The following KIAA1671 variants were observed in gnomAD, a reference collection of about 807,000 sequenced individuals.
KIAA1671 encodes uncharacterized protein KIAA1671.
Under a neutral mutation model 131.2 loss-of-function variants are expected in KIAA1671, and 52 were observed. That is an observed-to-expected ratio of 0.40 (90% CI 0.32 to 0.50). KIAA1671 has a LOEUF of 0.50. Ranked by LOEUF, KIAA1671 falls within the 20% of genes least tolerant of loss-of-function variation. KIAA1671 has a pLI of 0.73. For synonymous variants in KIAA1671, 1,003 were observed against 961.6 expected, an observed-to-expected ratio of 1.04 and a Z score of -0.80; for missense variants, 2,360 against 2,364.2, an observed-to-expected ratio of 1.00 and a Z score of 0.04.
intron 6 of KIAA1671, chr22:25,059,642 T>G (rs1569219185): frequency 6.6e-6 from 1 of 152,352 alleles, no homozygotes; most frequent in South Asian, 2.1e-4. Context: ...CTAGAAAGAC[T>G]CATCTTGCCC....
intron 1 of KIAA1671, among the ~76,000 whole-genome samples, chr22:24,957,323 A>C (rs1260154873): frequency 6.6e-6 from 1 of 152,218 alleles, no homozygotes; most frequent in East Asian, 1.9e-4. Context: ...GGAGAACTGC[A>C]TGCCAACTGA....
chr22:25,168,718 G>A (rs771932106), intron 6 of KIAA1671, among the ~76,000 whole-genome samples: 18 of 152,050 alleles, frequency 1.2e-4, no homozygotes, highest in Non-Finnish European at 2.5e-4. Context: ...GTTTAGGGAG[G>A]AGATATCACC....
At chr22:25,170,529 G>A (rs1933810795) in intron 6 of KIAA1671, among the ~76,000 whole-genome samples, 1 of 152,250 alleles carries the variant, frequency 6.6e-6, no homozygotes, top group Non-Finnish European at 1.5e-5. Context: ...GGCCATTGAG[G>A]TGGGGGCCAG....
intron 1 of KIAA1671, among the ~76,000 whole-genome samples, chr22:24,988,573 A>G (rs8142007): frequency 0.03 from 4,541 of 151,262 alleles, 89 homozygotes; most frequent in Middle Eastern, 0.052. Context: ...CATCTCTACT[A>G]AAAAATACAA....
chr22:25,094,874 C>G (rs1930322118), intron 6 of KIAA1671, among the ~76,000 whole-genome samples: 1 of 152,136 alleles, frequency 6.6e-6, no homozygotes, highest in African/African-American at 2.4e-5. Flanking sequence ...TCTCTCCCTC[C>G]TCCCTCCCTC....
intron 1 of KIAA1671, among the ~76,000 whole-genome samples, chr22:24,961,724 TGAGTTG>T (rs1275366636): frequency 6.6e-6 from 1 of 152,234 alleles, no homozygotes; most frequent in East Asian, 1.9e-4. Flanking sequence ...CTGACATCAA[TGAGTTG>T]AAGTCTACTC....
At chr22:25,030,543 A>C (rs2145790715) in intron 3 of KIAA1671, among the ~76,000 whole-genome samples, 1 of 152,170 alleles carries the variant, frequency 6.6e-6, no homozygotes, top group Admixed American at 6.5e-5. Context: ...TCAAAAAAAA[A>C]ACACCAAAAA....
At chr22:25,050,025 T>C (rs1013989464) in intron 6 of KIAA1671, 5 of 152,310 alleles carry the variant, frequency 3.3e-5, no homozygotes, top group African/African-American at 1.2e-4. Context: ...ATGAGAGAAT[T>C]CATGAAGTGC....
At position 25,040,989 on chromosome 22, in the gene KIAA1671, G is replaced by A; in HGVS notation, c.3859G>A (p.Ala1287Thr). Residue 1287 changes from alanine to threonine, a missense_variant, in exon 5 of 13, where the codon GCC (alanine) becomes ACC (threonine). By Grantham distance (58) the Ala-to-Thr change is moderately conservative. Transcript: ENST00000358431. ...GKQLAETLET[A>T]MGTKSSPPFW... ...GCAGCTGGCAGAGACCTTGGAGACA[G>A]CCATGGGCACCAAATCTAGCCCTCC... is the stretch of plus-strand genomic sequence containing the variant. 6.8e-7 allele frequency: 1 copy of A among 1,476,624 alleles called. No individual in the cohort carries two copies. Among genetic ancestry groups the A allele is most frequent in the Non-Finnish European group, 9.0e-7 (1 of 1,113,354 alleles). 91.5% of individuals were successfully genotyped at this position (1,476,624 alleles called of 1,614,324 possible). A position where few individuals can be genotyped will look rare whatever the true frequency, so the allele number is the denominator to read the frequency against.
intron 6 of KIAA1671, among the ~76,000 whole-genome samples, chr22:25,135,257 C>T (rs1041142719): frequency 2.2e-4 from 33 of 152,344 alleles, no homozygotes; most frequent in Non-Finnish European, 3.8e-4. Flanking sequence ...GCAATCTCAG[C>T]TCACTGCAAG....
At chr22:24,974,389 C>T (rs950972579) in intron 1 of KIAA1671, among the ~76,000 whole-genome samples, 18 of 152,056 alleles carry the variant, frequency 1.2e-4, no homozygotes, top group African/African-American at 4.3e-4. Context: ...CATGGTGACA[C>T]CATGAGGCAG....
chr22:25,096,866 G>A (rs556997510), intron 6 of KIAA1671, among the ~76,000 whole-genome samples: 2 of 152,162 alleles, frequency 1.3e-5, no homozygotes, highest in African/African-American at 2.4e-5. Context: ...GAACGGAGCC[G>A]TGCACTCTGC....
chr22:25,170,764 C>T (rs756362306), intron 6 of KIAA1671, 56 bp from the exon 7 acceptor site: 51 of 1,504,524 alleles, frequency 3.4e-5, no homozygotes, highest in Admixed American at 2.9e-4. Context: ...TCAGCCGGGA[C>T]GGGGGTTCTG....
chr22:25,125,876 A>C (rs921504224), intron 6 of KIAA1671, among the ~76,000 whole-genome samples: 1 of 152,236 alleles, frequency 6.6e-6, no homozygotes, highest in African/African-American at 2.4e-5. Context: ...TATTAGTAGT[A>C]GGCCTTTGGA....
At chr22:25,082,870 A>G (rs1366865606) in intron 6 of KIAA1671, among the ~76,000 whole-genome samples, 1 of 152,222 alleles carries the variant, frequency 6.6e-6, no homozygotes, top group Non-Finnish European at 1.5e-5. Flanking sequence ...CTGATATTTT[A>G]TATAGAAATT....
rs368581538 is a variant in KIAA1671 at position 25,068,630 on chromosome 22, GT to G, written c.4530+19269del. On this transcript the variant is annotated intron_variant, in intron 6 of 12. Transcript: ENST00000358431. ...TTTTTATATTTTTAGTAGAGACGGG[GT>G]TTCACCGTGTTAGCCAGGATGGTCT... 4.3e-3 allele frequency among the ~76,000 whole-genome samples: 656 copies of G among 152,310 alleles called. 4 individuals are homozygous for G. Among genetic ancestry groups the G allele is most frequent in the African/African-American group, 0.015 (623 of 41,572 alleles).
rs1223618834 is a variant in KIAA1671, at chr22:25,033,807, C to A, written c.1629+1111C>A. On this transcript the variant is annotated intron_variant, in intron 4 of 12. Coordinates refer to ENST00000358431, the MANE Select transcript of KIAA1671 (RefSeq NM_001145206.2). ...ATGTTAGCCAGGATGGTCTCGATCTCCTGACCTCGTGATCTGCCCGCTTCG... is the reference window on the plus strand; with the variant it reads ...ATGTTAGCCAGGATGGTCTCGATCTACTGACCTCGTGATCTGCCCGCTTCG... Among the ~76,000 whole-genome samples the A allele has an allele frequency of 1.3e-3, 204 of 151,938 alleles. 3 individuals are homozygous for A. The highest frequency in any genetic ancestry group is 4.5e-3 in the African/African-American group (186 of 41,464).
chr22:25,079,989 T>C (rs1234939652), intron 6 of KIAA1671, among the ~76,000 whole-genome samples: 1 of 151,996 alleles, frequency 6.6e-6, no homozygotes, highest in Non-Finnish European at 1.5e-5. Context: ...ATTCTGGATC[T>C]AGTTGGAAGG....
chr22:25,107,849 AAT>A (rs1931101816), intron 6 of KIAA1671, among the ~76,000 whole-genome samples: 1 of 152,072 alleles, frequency 6.6e-6, no homozygotes, highest in South Asian at 2.1e-4. Flanking sequence ...CTCTACTAAA[AAT>A]ACAAAAATTA....
Sources: gnomAD v4.1 joint callset for allele counts (sites outside exome capture counted in the v4.1 genomes callset) on GRCh38, gnomAD v4.1.1 for gene constraint, MANE v1.5 for transcripts, NCBI Gene and HGNC (gene_info 2026-07-23, HGNC 2026-07-21) for gene names.